BTBD9: variants seen among roughly 807,000 people sequenced by gnomAD.
The protein encoded by BTBD9 is BTB/POZ domain-containing protein 9.
BTBD9 carries 49 observed loss-of-function variants against 64.3 expected under a neutral mutation model. The ratio of observed to expected loss-of-function variants is 0.76; its 90% CI spans 0.61 to 0.97. BTBD9 has a LOEUF of 0.97. Among genes scored for constraint, BTBD9 ranks in the 50% least tolerant of loss-of-function variants. The pLI is 0.00. For missense variants in BTBD9, 598 were observed against 762.1 expected (o/e 0.78, Z 2.53); for synonymous variants, 260 against 274.7 (o/e 0.95, Z 0.53).
chr6:38,417,800 G>GAGA lies in BTBD9; in HGVS notation c.1155-72708_1155-72707insTCT, dbSNP rs1554149297. On this transcript the variant is annotated intron_variant, in intron 6 of 10. Transcript: ENST00000481247. ...GGAGAGAGAGAGAGAGAGAGAGAGA[G>GAGA]AAAAAAAATATTGACACATAACTGG... Among the ~76,000 whole-genome samples, 897 of 143,030 alleles carry GAGA rather than the reference G, an allele frequency of 6.3e-3. 7 individuals are homozygous for GAGA. Among genetic ancestry groups the GAGA allele is most frequent in the African/African-American group, 0.023 (845 of 36,712 alleles). 93.8% of individuals were successfully genotyped at this position (143,030 alleles called of 152,430 possible).
chr6:38,364,238 C>T (rs1046552098), intron 6 of BTBD9, among the ~76,000 whole-genome samples: 1 of 152,132 alleles, frequency 6.6e-6, no homozygotes, highest in Non-Finnish European at 1.5e-5. Context: ...CTTGATCTTG[C>T]AGCTGACTCT....
intron 6 of BTBD9, among the ~76,000 whole-genome samples, chr6:38,386,247 G>A (rs1317398732): frequency 6.6e-6 from 1 of 152,080 alleles, no homozygotes; most frequent in Non-Finnish European, 1.5e-5. Flanking sequence ...CTTCATGTCA[G>A]AATAAATTTA....
chr6:38,368,936 C>G (rs960289527), intron 6 of BTBD9, among the ~76,000 whole-genome samples: 1 of 152,188 alleles, frequency 6.6e-6, no homozygotes, highest in Admixed American at 6.5e-5. Context: ...TTAGATGTCC[C>G]ATAGACACTT....
intron 1 of BTBD9, among the ~76,000 whole-genome samples, chr6:38,619,590 T>C (rs983452868): frequency 1.6e-4 from 24 of 152,252 alleles, no homozygotes; most frequent in African/African-American, 5.5e-4. Flanking sequence ...AACCAGATAA[T>C]CTGTCAACAG....
At chr6:38,464,381 T>G (rs968080186) in intron 6 of BTBD9, among the ~76,000 whole-genome samples, 13 of 140,222 alleles carry the variant, frequency 9.3e-5, no homozygotes, top group African/African-American at 3.2e-4. Context: ...CTTGCATTCA[T>G]GAAAAAAAAA....
At chr6:38,185,890 G>T (rs1321645978) in intron 10 of BTBD9, among the ~76,000 whole-genome samples, 1 of 152,158 alleles carries the variant, frequency 6.6e-6, no homozygotes, top group East Asian at 1.9e-4. Flanking sequence ...AGTCCCTGCA[G>T]CCCGTTGTAT....
At chr6:38,455,495 T>C (rs1249917783) in intron 6 of BTBD9, among the ~76,000 whole-genome samples, 2 of 152,224 alleles carry the variant, frequency 1.3e-5, no homozygotes, top group South Asian at 2.1e-4. Flanking sequence ...TAGAATGATA[T>C]ATAAATGGAA....
At chr6:38,204,127 T>C (rs1429657829) in intron 9 of BTBD9, among the ~76,000 whole-genome samples, 1 of 152,154 alleles carries the variant, frequency 6.6e-6, no homozygotes, top group East Asian at 1.9e-4. Context: ...CTTGTGGGAA[T>C]GTTCAAAGGT....
At chr6:38,218,956 C>T (rs949059577) in intron 9 of BTBD9, among the ~76,000 whole-genome samples, 6 of 151,956 alleles carry the variant, frequency 3.9e-5, no homozygotes, top group African/African-American at 9.7e-5. Flanking sequence ...TTGGAGTACC[C>T]GCCCAGGCTG....
chr6:38,205,879 CA>C (rs772167899), intron 9 of BTBD9, among the ~76,000 whole-genome samples: 44 of 47,246 alleles, frequency 9.3e-4, no homozygotes, highest in South Asian at 9.2e-4. Context: ...GAGTCTGTCT[CA>C]AAAAAAAAAA....
chr6:38,428,122 A>T (rs969042137), intron 6 of BTBD9, among the ~76,000 whole-genome samples: 20 of 151,824 alleles, frequency 1.3e-4, no homozygotes, highest in Admixed American at 1.3e-3. Flanking sequence ...GGTGAGGGGG[A>T]TAACAGTGGG....
At chr6:38,557,200 G>A (rs564851470) in intron 6 of BTBD9, among the ~76,000 whole-genome samples, 2 of 151,756 alleles carry the variant, frequency 1.3e-5, no homozygotes, top group African/African-American at 2.4e-5. Flanking sequence ...ACAATAATTA[G>A]CTGGCAGTGG....
intron 7 of BTBD9, among the ~76,000 whole-genome samples, chr6:38,314,333 C>T (rs181426544): frequency 0.035 from 5,254 of 151,082 alleles, 123 homozygotes; most frequent in Middle Eastern, 0.054. Flanking sequence ...GTAGCTGGGA[C>T]TACAGGCGCC....
rs969467635 is a variant in BTBD9, at chr6:38,169,235, G to C, written c.*5750C>G. 8 of 152,362 alleles carry C rather than the reference G, an allele frequency of 5.3e-5. No individual in the cohort carries two copies. The highest frequency in any genetic ancestry group is 8.8e-5 in the Non-Finnish European group (6 of 68,176). The allele number at this position is 152,362 out of a possible 1,614,324, so 9.4% of individuals were successfully genotyped here. A position where few individuals can be genotyped will look rare whatever the true frequency, so the allele number is the denominator to read the frequency against. On this transcript the variant is annotated 3_prime_UTR_variant, in exon 11 of 11. Transcript: ENST00000481247. ...ATGACTCCTGTAGTGGCTAGGACTA[G>C]GGCACTGGCCGCACCCTCAGGCCCA...
At chr6:38,634,931 A>T (rs939034607) in intron 1 of BTBD9, among the ~76,000 whole-genome samples, 2 of 152,148 alleles carry the variant, frequency 1.3e-5, no homozygotes, top group African/African-American at 4.8e-5. Context: ...TCTTCTCTAA[A>T]CTATCTCCTG....
chr6:38,550,117 GACATATAT>G (rs1774730613), intron 6 of BTBD9, among the ~76,000 whole-genome samples: 3 of 152,010 alleles, frequency 2.0e-5, no homozygotes, highest in African/African-American at 7.3e-5. Context: ...TTGGACGTTA[GACATATAT>G]TCAACTTCCT....
intron 6 of BTBD9, among the ~76,000 whole-genome samples, chr6:38,465,733 A>G (rs1195228892): frequency 5.9e-5 from 3 of 50,576 alleles, no homozygotes; most frequent in Non-Finnish European, 7.7e-5. Context: ...ATATATATAT[A>G]TATATATATA....
At chr6:38,379,366 T>G (rs1016514118) in intron 6 of BTBD9, among the ~76,000 whole-genome samples, 4 of 152,186 alleles carry the variant, frequency 2.6e-5, no homozygotes, top group Admixed American at 6.5e-5. Flanking sequence ...TTCAAAAGAC[T>G]TGAATATTAA....
intron 5 of BTBD9, among the ~76,000 whole-genome samples, chr6:38,579,381 G>A (rs1191039863): frequency 1.3e-5 from 2 of 152,178 alleles, no homozygotes; most frequent in African/African-American, 4.8e-5. Flanking sequence ...CAGTTTCTGG[G>A]TATGCAGGGT....
Sources: allele counts gnomAD v4.1 joint callset (sites outside exome capture counted in the v4.1 genomes callset), GRCh38; gene constraint gnomAD v4.1.1; transcripts MANE v1.5; gene names NCBI Gene and HGNC (gene_info 2026-07-23, HGNC 2026-07-21).